CSGALNACT1: variants seen among roughly 807,000 people sequenced by gnomAD.
CSGALNACT1 encodes beta4GalNAcT-1.
In CSGALNACT1, 52 loss-of-function variants were observed where a neutral mutation model predicts 51.0. That is an observed-to-expected ratio of 1.02 (90% CI 0.82 to 1.29). The LOEUF is 1.29. CSGALNACT1 is among the 50% of genes most tolerant of loss of function. The pLI, the probability that CSGALNACT1 is intolerant of heterozygous loss-of-function variation, is 0.00. For missense variants in CSGALNACT1, 935 were observed against 679.2 expected, an observed-to-expected ratio of 1.38 and a Z score of -4.19; for synonymous variants, 341 against 254.4, an observed-to-expected ratio of 1.34 and a Z score of -3.24.
At chr8:19,581,622 AAAC>A (rs2045592094) in intron 3 of CSGALNACT1, among the ~76,000 whole-genome samples, 1 of 152,158 alleles carries the variant, frequency 6.6e-6, no homozygotes, top group Non-Finnish European at 1.5e-5. Context: ...AAACAAAACA[AAAC>A]AAAAAAAACT....
chr8:19,451,958 T>G (rs1586319277), intron 5 of CSGALNACT1, among the ~76,000 whole-genome samples: 1 of 152,340 alleles, frequency 6.6e-6, no homozygotes, highest in Middle Eastern at 3.4e-3. Context: ...GGTGTTGATA[T>G]TTTAAAGGTG....
intron 6 of CSGALNACT1, among the ~76,000 whole-genome samples, chr8:19,431,992 CA>C (rs953284220): frequency 6.0e-5 from 9 of 151,008 alleles, no homozygotes; most frequent in South Asian, 2.1e-4. Flanking sequence ...TAAATCAGCA[CA>C]AAAAAAAGAG....
rs1283913154 is a variant in CSGALNACT1 at position 19,630,190 on chromosome 8, G to GTC, written c.-543-28327_-543-28326dup. 6.7e-4 allele frequency among the ~76,000 whole-genome samples: 89 copies of GTC among 132,344 alleles called. 1 individual carries two copies. The highest frequency in any genetic ancestry group is 7.4e-3 in the Middle Eastern group (2 of 270). 86.8% of individuals were successfully genotyped at this position (132,344 alleles called of 152,430 possible). A position where few individuals can be genotyped will look rare whatever the true frequency, so the allele number is the denominator to read the frequency against. ...GAAGATTAGCCATCCAAGTTCCCACGTCTCTGTGTGTGTGTGTGTGTGTGT... is the reference window on the plus strand; with the variant it reads ...GAAGATTAGCCATCCAAGTTCCCACGTCTCTCTGTGTGTGTGTGTGTGTGTGT... On this transcript the variant is annotated intron_variant, in intron 1 of 9. Coordinates refer to the CSGALNACT1 transcript ENST00000332246.
At chr8:19,736,444 T>C (rs1056215412) in intron 1 of CSGALNACT1, among the ~76,000 whole-genome samples, 5 of 151,836 alleles carry the variant, frequency 3.3e-5, no homozygotes, top group African/African-American at 4.8e-5. Flanking sequence ...GAATTTCTAA[T>C]GTCTAAATAT....
chr8:19,490,274 A>G (rs756879993), intron 4 of CSGALNACT1, among the ~76,000 whole-genome samples: 2 of 152,140 alleles, frequency 1.3e-5, no homozygotes, highest in Non-Finnish European at 2.9e-5. Flanking sequence ...TGCGACTCAC[A>G]CTGGTTTTCA....
At chr8:19,410,661 G>A (rs2055470180) in intron 8 of CSGALNACT1, among the ~76,000 whole-genome samples, 1 of 152,236 alleles carries the variant, frequency 6.6e-6, no homozygotes, top group African/African-American at 2.4e-5. Flanking sequence ...ACAAGGTGAA[G>A]GGGGACCCTC....
intron 2 of CSGALNACT1, among the ~76,000 whole-genome samples, chr8:19,592,782 A>T (rs2154135010): frequency 6.6e-6 from 1 of 152,308 alleles, no homozygotes; most frequent in African/African-American, 2.4e-5. Context: ...ATGAAAAAAA[A>T]ATTTAAAAAA....
intron 1 of CSGALNACT1, among the ~76,000 whole-genome samples, chr8:19,611,376 T>G (rs1294913251): frequency 6.6e-6 from 1 of 152,186 alleles, no homozygotes; most frequent in Non-Finnish European, 1.5e-5. Flanking sequence ...TTGACAGAAA[T>G]AGTTATAACT....
intron 3 of CSGALNACT1, among the ~76,000 whole-genome samples, chr8:19,549,656 C>CATTT (rs764757340): frequency 4.8e-5 from 4 of 83,468 alleles, no homozygotes; most frequent in African/African-American, 1.8e-4. Context: ...CAATTTCCTA[C>CATTT]TTTTTTTTTT....
chr8:19,754,485 G>A (rs960291156), intron 1 of CSGALNACT1, among the ~76,000 whole-genome samples: 1 of 152,012 alleles, frequency 6.6e-6, no homozygotes, highest in East Asian at 1.9e-4. Flanking sequence ...GAAAACCACT[G>A]AAATACCTAG....
chr8:19,493,017 G>A (rs112289054), intron 4 of CSGALNACT1, among the ~76,000 whole-genome samples: 7 of 148,372 alleles, frequency 4.7e-5, no homozygotes, highest in East Asian at 4.0e-4. Context: ...AAAGAGAATC[G>A]ACATCAATAA....
intron 1 of CSGALNACT1, among the ~76,000 whole-genome samples, chr8:19,756,263 T>C (rs2065367366): frequency 6.6e-6 from 1 of 152,190 alleles, no homozygotes. Context: ...TCATTACCTT[T>C]ATTATCTAGA....
At chr8:19,726,294 G>A (rs879585480) in intron 1 of CSGALNACT1, among the ~76,000 whole-genome samples, 20 of 151,788 alleles carry the variant, frequency 1.3e-4, no homozygotes, top group Middle Eastern at 3.4e-3. Context: ...AAAATGATAC[G>A]TAATTAAAAA....
chr8:19,667,033 AAGG>A (rs2059404735), intron 1 of CSGALNACT1, among the ~76,000 whole-genome samples: 23 of 40,810 alleles, frequency 5.6e-4, no homozygotes, highest in African/African-American at 1.8e-3. Context: ...GGAAGGAAGG[AAGG>A]AAGGAAGAAA....
rs769321127 is a variant in CSGALNACT1 at position 19,458,446 on chromosome 8, C to T, written c.831G>A (p.Arg277=). ...CCAACCTGAAATTCTGCATGAACTG[C>T]CGGAACTTGTCCACCCTTTTTGCTA... Residue 277 remains arginine (R), a synonymous_variant, in exon 5 of 10, where the codon CGG becomes CGA. Coordinates refer to ENST00000454498, the Ensembl canonical transcript of CSGALNACT1. The T allele has an allele frequency of 1.5e-5, 24 of 1,614,112 alleles. No homozygotes were observed. The South Asian group carries it at 2.5e-4, about 17-fold the overall frequency.
At chr8:19,461,613 C>T (rs1386495814) in intron 4 of CSGALNACT1, among the ~76,000 whole-genome samples, 2 of 124,800 alleles carry the variant, frequency 1.6e-5, no homozygotes, top group Admixed American at 8.4e-5. Flanking sequence ...CGGCCACATT[C>T]ACCATGGGGG....
chr8:19,667,738 T>TA (rs1266239593), intron 1 of CSGALNACT1, among the ~76,000 whole-genome samples: 1 of 152,012 alleles, frequency 6.6e-6, no homozygotes, highest in African/African-American at 2.4e-5. Flanking sequence ...ATCAAAAATG[T>TA]AAAAATCATA....
intron 3 of CSGALNACT1, among the ~76,000 whole-genome samples, chr8:19,568,818 T>G (rs1484533808): frequency 1.3e-5 from 2 of 152,198 alleles, no homozygotes; most frequent in African/African-American, 4.8e-5. Context: ...TAGAGCTACC[T>G]TTAAATGTAG....
At chr8:19,574,742 C>T (rs1281489962) in intron 3 of CSGALNACT1, among the ~76,000 whole-genome samples, 1 of 151,994 alleles carries the variant, frequency 6.6e-6, no homozygotes, top group Non-Finnish European at 1.5e-5. Flanking sequence ...TCTTAAAATC[C>T]TCTCTCCGGC....
Sources: allele counts gnomAD v4.1 joint callset (sites outside exome capture counted in the v4.1 genomes callset), GRCh38; gene constraint gnomAD v4.1.1; transcripts MANE v1.5; gene names NCBI Gene and HGNC (gene_info 2026-07-23, HGNC 2026-07-21).